RIC8B: variants seen among roughly 807,000 people sequenced by gnomAD.
RIC8B encodes the protein RIC8 guanine nucleotide exchange factor B, also known as chaperone Ric-8B.
Under a neutral mutation model 57.5 loss-of-function variants are expected in RIC8B, and 16 were observed. That is an observed-to-expected ratio of 0.28 (90% CI 0.19 to 0.42). The LOEUF (loss-of-function observed/expected upper bound fraction) is 0.42, where lower values mean the gene tolerates loss of function less well. Among genes scored for constraint, RIC8B ranks in the 10% least tolerant of loss-of-function variants. The probability of loss-of-function intolerance (pLI) is 1.00; values close to 1 mark genes in which losing one functional copy is unlikely to be tolerated. For synonymous variants in RIC8B, 216 were observed against 250.8 expected (o/e 0.86, Z 1.31); for missense variants, 481 against 677.0 (o/e 0.71, Z 3.21).
chr12:106,782,683 T>C (rs1226984450), intron 1 of RIC8B, among the ~76,000 whole-genome samples: 1 of 152,212 alleles, frequency 6.6e-6, no homozygotes, highest in Non-Finnish European at 1.5e-5. Context: ...CTCTCCTACC[T>C]CTGAGTCTTC....
chr12:106,823,382 G>C (rs943204306), intron 3 of RIC8B: 8 of 453,898 alleles, frequency 1.8e-5, no homozygotes, highest in African/African-American at 1.0e-4. Flanking sequence ...AGTGGATTTA[G>C]AGTAAAAGAG....
At chr12:106,783,751 C>G (rs1476991583) in intron 1 of RIC8B, among the ~76,000 whole-genome samples, 1 of 152,196 alleles carries the variant, frequency 6.6e-6, no homozygotes, top group South Asian at 2.1e-4. Context: ...AAAGCCATTC[C>G]GGATTTTCCT....
intron 2 of RIC8B, among the ~76,000 whole-genome samples, chr12:106,794,556 A>G (rs2044393362): frequency 6.6e-6 from 1 of 152,210 alleles, no homozygotes. Flanking sequence ...ATGACTCATC[A>G]TTACAAGGGA....
intron 4 of RIC8B, among the ~76,000 whole-genome samples, chr12:106,829,936 T>C (rs1311616914): frequency 6.6e-6 from 1 of 152,216 alleles, no homozygotes; most frequent in Non-Finnish European, 1.5e-5. Flanking sequence ...CTGTTTCTCC[T>C]GATTAGTTCT....
In RIC8B at chr12:106,814,681, G is replaced by T; in HGVS notation, c.133-15G>T. The T allele has an allele frequency of 6.4e-7, 1 of 1,566,102 alleles. No homozygotes were observed. The highest frequency in any genetic ancestry group is 1.9e-5 in the Admixed American group (1 of 51,832). On this transcript the variant is annotated splice_polypyrimidine_tract_variant and intron_variant, in intron 2 of 9. Transcript: ENST00000392837. The stretch of plus-strand genomic sequence containing the variant: ...GCCAAATAATGATTTTTGCATACTC[G>T]TTCTTGTTTTTCAGAAACTCTGTGA...
intron 4 of RIC8B, among the ~76,000 whole-genome samples, chr12:106,828,138 C>G (rs902651359): frequency 1.3e-5 from 2 of 152,136 alleles, no homozygotes; most frequent in African/African-American, 4.8e-5. Flanking sequence ...AAAAACCTAT[C>G]GGCTTCACTG....
chr12:106,881,216 G>T (rs1950912510), intron 9 of RIC8B, among the ~76,000 whole-genome samples: 1 of 151,916 alleles, frequency 6.6e-6, no homozygotes, highest in Non-Finnish European at 1.5e-5. Context: ...TTAGAAGTTG[G>T]GGGTGGGGGG....
At chr12:106,780,351 A>G (rs185261451) in intron 1 of RIC8B, among the ~76,000 whole-genome samples, 87 of 152,320 alleles carry the variant, frequency 5.7e-4, no homozygotes, top group Admixed American at 1.1e-3. Flanking sequence ...ATACAGACAG[A>G]TAGGTAGGTC....
intron 2 of RIC8B, among the ~76,000 whole-genome samples, chr12:106,798,766 T>A (rs557109018): frequency 6.6e-6 from 1 of 152,294 alleles, no homozygotes; most frequent in South Asian, 2.1e-4. Context: ...CACTTAGTCT[T>A]TATCATTTTT....
intron 2 of RIC8B, chr12:106,798,176 G>A (rs879134207): frequency 3.8e-6 from 2 of 530,154 alleles, no homozygotes; most frequent in Non-Finnish European, 6.9e-6. Flanking sequence ...TTCATTTTTT[G>A]TTGTCAAAAA....
intron 2 of RIC8B, among the ~76,000 whole-genome samples, chr12:106,803,699 A>G (rs1369137947): frequency 6.6e-6 from 1 of 152,220 alleles, no homozygotes; most frequent in African/African-American, 2.4e-5. Flanking sequence ...ACCAACTCAT[A>G]GTAAAGATTT....
chr12:106,775,466 T>C (rs535303531), intron 1 of RIC8B: 1 of 421,718 alleles, frequency 2.4e-6, no homozygotes, highest in South Asian at 1.7e-5. Context: ...ATACCTGTTA[T>C]TTGTATCGCA....
intron 6 of RIC8B, among the ~76,000 whole-genome samples, chr12:106,849,756 A>G (rs1372690838): frequency 6.6e-6 from 1 of 152,210 alleles, no homozygotes; most frequent in East Asian, 1.9e-4. Context: ...TAGATTGAAT[A>G]TCCTCTATAT....
intron 9 of RIC8B, chr12:106,872,921 C>T (rs544516171): frequency 3.4e-6 from 2 of 580,066 alleles, no homozygotes; most frequent in African/African-American, 2.0e-5. Flanking sequence ...TAAGACTACA[C>T]AGTATAATCC....
In RIC8B at chr12:106,888,386, T is replaced by G. The variant is rs1343084911; in HGVS notation, c.*2371T>G. On this transcript the variant is annotated 3_prime_UTR_variant, in exon 10 of 10. Transcript: ENST00000392837. ...CTACATGCTGGGCTTTTGATGTATG[T>G]TATCTCATGTAACCTCACCTTATCG... 1 of 152,322 alleles carries G rather than the reference T, an allele frequency of 6.6e-6. No individual in the cohort carries two copies. Among genetic ancestry groups the G allele is most frequent in the Non-Finnish European group, 1.5e-5 (1 of 68,046 alleles). 9.4% of individuals were successfully genotyped at this position (152,322 alleles called of 1,614,324 possible).
intron 8 of RIC8B, among the ~76,000 whole-genome samples, chr12:106,862,117 A>T (rs921088811): frequency 6.6e-6 from 1 of 152,088 alleles, no homozygotes; most frequent in Non-Finnish European, 1.5e-5. Context: ...GCTCTCTGTC[A>T]TGGAAAGTTT....
intron 1 of RIC8B, among the ~76,000 whole-genome samples, chr12:106,782,883 A>C (rs980792129): frequency 6.6e-6 from 1 of 152,238 alleles, no homozygotes; most frequent in Non-Finnish European, 1.5e-5. Flanking sequence ...CTAATGAGAG[A>C]AAGAAAAAAG....
intron 8 of RIC8B, chr12:106,868,320 A>C (rs559313833): frequency 3.7e-5 from 17 of 456,818 alleles, no homozygotes; most frequent in African/African-American, 3.2e-4. Context: ...ATTTGAGGAG[A>C]GAAGCCATCT....
chr12:106,835,977 C>G (rs1253349882), intron 4 of RIC8B, among the ~76,000 whole-genome samples: 2 of 152,220 alleles, frequency 1.3e-5, no homozygotes, highest in African/African-American at 4.8e-5. Context: ...TCTGATTCCT[C>G]TACTGTTCTT....
Sources: allele counts gnomAD v4.1 joint callset (sites outside exome capture counted in the v4.1 genomes callset), GRCh38; gene constraint gnomAD v4.1.1; transcripts MANE v1.5; gene names NCBI Gene and HGNC (gene_info 2026-07-23, HGNC 2026-07-21).